Variants in NXN observed in about 807,000 individuals in gnomAD.
NXN encodes nucleoredoxin 1.
Under a neutral mutation model 48.6 loss-of-function variants are expected in NXN, and 16 were observed. That is an observed-to-expected ratio of 0.33 (90% CI 0.22 to 0.50). The LOEUF is 0.50. Ranked by LOEUF, NXN falls within the 20% of genes least tolerant of loss-of-function variation. NXN has a pLI of 0.98. For missense variants in NXN, 492 were observed against 605.5 expected (o/e 0.81, Z 1.97); for synonymous variants, 281 against 269.6 (o/e 1.04, Z -0.41).
chr17:872,576 T>A (rs976891331), intron 1 of NXN, among the ~76,000 whole-genome samples: 1 of 150,934 alleles, frequency 6.6e-6, no homozygotes, highest in African/African-American at 2.4e-5. Context: ...TTAAACATGA[T>A]CCTGAGTGTG....
At chr17:833,002 T>G (rs1012420980) in intron 1 of NXN, among the ~76,000 whole-genome samples, 4 of 152,066 alleles carry the variant, frequency 2.6e-5, no homozygotes, top group African/African-American at 9.7e-5. Flanking sequence ...ACCATTCTCC[T>G]GCCTCAGCCT....
intron 7 of NXN, 122 bp from the exon 8 acceptor site, chr17:801,253 G>T: frequency 1.6e-6 from 1 of 643,614 alleles, no homozygotes; most frequent in Non-Finnish European, 2.3e-6. Context: ...CGTTTCCCAA[G>T]CAGAGGGCTC....
chr17:895,535 G>A (rs1479097541), intron 1 of NXN, among the ~76,000 whole-genome samples: 10 of 151,822 alleles, frequency 6.6e-5, no homozygotes, highest in Admixed American at 2.6e-4. Flanking sequence ...CAATGTGGCC[G>A]GGCGCAGTGG....
At chr17:967,425 G>A (rs540236816) in intron 1 of NXN, among the ~76,000 whole-genome samples, 1 of 152,294 alleles carries the variant, frequency 6.6e-6, no homozygotes, top group Non-Finnish European at 1.5e-5. Flanking sequence ...GTGCCACCCG[G>A]GCCTAAAGCT....
intron 1 of NXN, among the ~76,000 whole-genome samples, chr17:846,805 T>C (rs2067867317): frequency 6.6e-6 from 1 of 152,108 alleles, no homozygotes; most frequent in Non-Finnish European, 1.5e-5. Flanking sequence ...CGCTTGGTAC[T>C]GTGGCATGCT....
chr17:848,695 T>C (rs756864007), intron 1 of NXN, among the ~76,000 whole-genome samples: 14 of 152,200 alleles, frequency 9.2e-5, no homozygotes, highest in Non-Finnish European at 1.8e-4. Flanking sequence ...TCCAAATGCC[T>C]CCTACTGAGA....
chr17:900,477 C>T (rs2068527199), intron 1 of NXN, among the ~76,000 whole-genome samples: 1 of 152,088 alleles, frequency 6.6e-6, no homozygotes, highest in Admixed American at 6.6e-5. Context: ...AACAGAGAGG[C>T]ACGAGGAAGG....
intron 1 of NXN, among the ~76,000 whole-genome samples, chr17:954,389 A>G (rs555859806): frequency 2.0e-5 from 3 of 152,310 alleles, no homozygotes; most frequent in East Asian, 3.9e-4. Context: ...TCCAAAAAAA[A>G]GAAACGCTTC....
intron 5 of NXN, among the ~76,000 whole-genome samples, chr17:812,441 G>A (rs1912119547): frequency 6.6e-6 from 1 of 152,202 alleles, no homozygotes; most frequent in Admixed American, 6.5e-5. Flanking sequence ...AAACAAGTGA[G>A]ATGGGACTGA....
chr17:923,347 C>T (rs1339663659), intron 1 of NXN, among the ~76,000 whole-genome samples: 1 of 151,992 alleles, frequency 6.6e-6, no homozygotes, highest in Non-Finnish European at 1.5e-5. Flanking sequence ...AAAGCAAGAC[C>T]CCGCTTTACA....
chr17:805,024 G>GC (rs1205504712), intron 6 of NXN, 44 bp downstream of exon 6: 88 of 1,380,694 alleles, frequency 6.4e-5, no homozygotes, highest in Admixed American at 2.6e-4. Flanking sequence ...CTCCTGTCCC[G>GC]CCCCCCAGCC....
At chr17:864,193 C>CA in intron 1 of NXN, 3 of 1,448,272 alleles carry the variant, frequency 2.1e-6, no homozygotes, top group African/African-American at 1.6e-5. Flanking sequence ...TGCTCGGTTC[C>CA]GGTGAAGGGC....
At chr17:955,375 G>A (rs2069154934) in intron 1 of NXN, among the ~76,000 whole-genome samples, 1 of 150,574 alleles carries the variant, frequency 6.6e-6, no homozygotes, top group African/African-American at 2.4e-5. Flanking sequence ...TCACCATCTT[G>A]GCCAGGCTGG....
intron 1 of NXN, among the ~76,000 whole-genome samples, chr17:953,553 C>T (rs979858238): frequency 1.3e-5 from 2 of 152,190 alleles, no homozygotes; most frequent in Non-Finnish European, 2.9e-5. Flanking sequence ...CCAGCATAAA[C>T]CTGTTAGGAT....
chr17:838,162 C>T (rs1321530632), intron 1 of NXN, among the ~76,000 whole-genome samples: 3 of 112,458 alleles, frequency 2.7e-5, no homozygotes, highest in Admixed American at 1.2e-4. Context: ...GATGGAGTCT[C>T]GCTCTGTCGC....
chr17:883,145 T>G lies in NXN; in HGVS notation c.361-57067A>C, dbSNP rs554859178. On this transcript the variant is annotated intron_variant, in intron 1 of 7. Transcript: ENST00000336868. ...GCTACACCTGGCCAACTTCCTATTT[T>G]TAAATGGAAAGAAAAAAACACACAC... is the stretch of plus-strand genomic sequence containing the variant. Among the ~76,000 whole-genome samples, 5 of 152,302 alleles carry G rather than the reference T, an allele frequency of 3.3e-5. No individual in the cohort carries two copies. In the South Asian group the frequency reaches 1.0e-3, roughly 32 times the overall value.
chr17:810,027 AAGAGTCCGTG>A (rs1911847133), intron 5 of NXN, among the ~76,000 whole-genome samples: 1 of 130,318 alleles, frequency 7.7e-6, no homozygotes. Flanking sequence ...CGTGCACGTT[AAGAGTCCGTG>A]TGAGTGGCGT....
In NXN at chr17:956,741, T is replaced by C. The variant is rs2069174022; in HGVS notation, c.360+22578A>G. 1.3e-5 allele frequency among the ~76,000 whole-genome samples: 2 copies of C among 152,142 alleles called. No individual in the cohort carries two copies. The highest frequency in any genetic ancestry group is 2.9e-5 in the Non-Finnish European group (2 of 68,030). On this transcript the variant is annotated intron_variant, in intron 1 of 7. Transcript: ENST00000336868. The surrounding 1 kb of genome is among the most constrained non-coding windows in gnomAD (Gnocchi z 4.1). ...AGAGCTTTTTATATCAGTCATCGTC[T>C]TAAACCTCCACCGCAACCTGACAAG...
At chr17:810,107 C>T (rs1328425212) in intron 5 of NXN, among the ~76,000 whole-genome samples, 1 of 119,618 alleles carries the variant, frequency 8.4e-6, no homozygotes, top group Admixed American at 9.5e-5. Flanking sequence ...GTGGCGTGCA[C>T]GTTACGAGTC....
Sources: allele counts gnomAD v4.1 joint callset (sites outside exome capture counted in the v4.1 genomes callset), GRCh38; gene constraint gnomAD v4.1.1; non-coding constraint Gnocchi (gnomAD v3.1); transcripts MANE v1.5; gene names NCBI Gene and HGNC (gene_info 2026-07-23, HGNC 2026-07-21).